The following SPECC1L variants were observed in gnomAD, a reference collection of about 807,000 sequenced individuals.
The protein encoded by SPECC1L is cytospin-A.
Under a neutral mutation model 116.8 loss-of-function variants are expected in SPECC1L, and 40 were observed. The observed-to-expected ratio is 0.34, with a 90% CI of 0.27 to 0.45. The LOEUF is 0.45. Among genes scored for constraint, SPECC1L ranks in the 20% least tolerant of loss-of-function variants. SPECC1L has a pLI of 1.00. For synonymous variants in SPECC1L, 504 were observed against 500.6 expected (o/e 1.01, Z -0.09); for missense variants, 1,110 against 1,373.6 (o/e 0.81, Z 3.03).
At position 24,370,408 on chromosome 22, in the gene SPECC1L, CTAA is replaced by C. The variant is rs751455063; in HGVS notation, c.3087+1089_3087+1091del. 7.7e-3 allele frequency among the ~76,000 whole-genome samples: 1,179 copies of C among 152,322 alleles called. 9 individuals are homozygous for C. Among genetic ancestry groups the C allele is most frequent in the South Asian group, 0.024 (117 of 4,826 alleles). ...GAATCTCCATGCCAGCTTCCACTGG[CTAA>C]CAAAGGAGATAAGTAGTGTTGGCAA... On this transcript the variant is annotated intron_variant, in intron 14 of 16. Transcript: ENST00000314328.
At chr22:24,276,487 G>C (rs8136054) in intron 1 of SPECC1L, among the ~76,000 whole-genome samples, 1 of 152,162 alleles carries the variant, frequency 6.6e-6, no homozygotes, top group Non-Finnish European at 1.5e-5. Context: ...TAGCCATTAT[G>C]CTGGACCCAG....
At chr22:24,285,980 T>C (rs1689211255) in intron 2 of SPECC1L, among the ~76,000 whole-genome samples, 1 of 152,268 alleles carries the variant, frequency 6.6e-6, no homozygotes, top group African/African-American at 2.4e-5. Context: ...TTTTGTGTTT[T>C]GAAGTCCTTA....
At chr22:24,357,808 C>T (rs2041561261) in intron 11 of SPECC1L, among the ~76,000 whole-genome samples, 1 of 152,192 alleles carries the variant, frequency 6.6e-6, no homozygotes, top group African/African-American at 2.4e-5. Context: ...GCTCCAATTT[C>T]AGTTTTAGGC....
intron 11 of SPECC1L, among the ~76,000 whole-genome samples, chr22:24,359,638 T>C (rs2041604422): frequency 1.3e-5 from 2 of 152,076 alleles, no homozygotes; most frequent in South Asian, 4.1e-4. Flanking sequence ...GACTCTCGCT[T>C]GCCTGAGCTG....
chr22:24,307,164 A>G (rs542347159), intron 3 of SPECC1L, among the ~76,000 whole-genome samples: 1 of 152,302 alleles, frequency 6.6e-6, no homozygotes, highest in South Asian at 2.1e-4. Flanking sequence ...GGGGGGGTAT[A>G]TACCCGTAGG....
chr22:24,407,505 G>T (rs1273198259), intron 14 of SPECC1L, among the ~76,000 whole-genome samples: 2 of 152,218 alleles, frequency 1.3e-5, no homozygotes, highest in African/African-American at 2.4e-5. Flanking sequence ...CCACGACCCT[G>T]CCAGAGCTGC....
chr22:24,409,810 A>G (rs1014515474), intron 14 of SPECC1L, among the ~76,000 whole-genome samples: 1 of 152,156 alleles, frequency 6.6e-6, no homozygotes, highest in Non-Finnish European at 1.5e-5. Flanking sequence ...ACATCGCTTG[A>G]GCTCAGGAGT....
chr22:24,296,444 A>G (rs1290939442), intron 2 of SPECC1L, among the ~76,000 whole-genome samples: 1 of 152,272 alleles, frequency 6.6e-6, no homozygotes, highest in Non-Finnish European at 1.5e-5. Context: ...GATTATTCTT[A>G]GAACACAGAG....
chr22:24,362,259 G>A (rs2041660845), intron 11 of SPECC1L, among the ~76,000 whole-genome samples: 1 of 152,158 alleles, frequency 6.6e-6, no homozygotes, highest in Non-Finnish European at 1.5e-5. Flanking sequence ...GGCTGGCAGG[G>A]AAGCAGGTCC....
intron 14 of SPECC1L, among the ~76,000 whole-genome samples, chr22:24,393,727 CATACAT>C (rs936626671): frequency 2.0e-5 from 3 of 152,060 alleles, no homozygotes; most frequent in Non-Finnish European, 4.4e-5. Flanking sequence ...TAACTTTTGA[CATACAT>C]ATACATATAT....
At chr22:24,378,020 C>T (rs2042001814) in intron 14 of SPECC1L, among the ~76,000 whole-genome samples, 1 of 152,214 alleles carries the variant, frequency 6.6e-6, no homozygotes, top group Admixed American at 6.5e-5. Context: ...TCCTCTGTAG[C>T]TATGAAAGTC....
chr22:24,417,268 A>G lies in SPECC1L; in HGVS notation c.*2645A>G, dbSNP rs1444548449. On this transcript the variant is annotated 3_prime_UTR_variant, in exon 17 of 17. Coordinates refer to ENST00000314328, the MANE Select transcript of SPECC1L (RefSeq NM_015330.6). ...TGAAACAACAAGCTTGGGCTTTTCT[A>G]GCTTGCCCTCCACTCCCTGCCGTCC... The G allele has an allele frequency of 1.3e-5, 2 of 152,526 alleles. No individual in the cohort carries two copies. Among genetic ancestry groups the G allele is most frequent in the African/African-American group, 4.8e-5 (2 of 41,460 alleles). 9.4% of individuals were successfully genotyped at this position (152,526 alleles called of 1,614,324 possible).
chr22:24,340,546 T>G lies in SPECC1L; in HGVS notation c.2652+2069T>G, dbSNP rs189460849. On this transcript the variant is annotated intron_variant, in intron 10 of 16. Transcript: ENST00000314328. Reference sequence around the variant, plus strand: ...AATAAAGATGCCAAATGTAATAAACTTCAAATAAGATGAACTTTAAGTGGT... The same window carrying G: ...AATAAAGATGCCAAATGTAATAAACGTCAAATAAGATGAACTTTAAGTGGT... 6.4e-4 allele frequency among the ~76,000 whole-genome samples: 98 copies of G among 152,346 alleles called. 1 individual carries two copies. Among genetic ancestry groups the G allele is most frequent in the African/African-American group, 2.1e-3 (89 of 41,586 alleles).
intron 2 of SPECC1L, among the ~76,000 whole-genome samples, chr22:24,281,864 C>T (rs2048950090): frequency 6.6e-6 from 1 of 152,192 alleles, no homozygotes; most frequent in Admixed American, 6.5e-5. Flanking sequence ...TTGCCCATTG[C>T]CTAGACAGAG....
intron 14 of SPECC1L, 46 bp from the exon 15 acceptor site, chr22:24,411,542 G>T: frequency 6.4e-7 from 1 of 1,557,610 alleles, no homozygotes; most frequent in South Asian, 1.1e-5. Flanking sequence ...TCTCCTAAGA[G>T]GGTCCCAGCA....
intron 4 of SPECC1L, among the ~76,000 whole-genome samples, chr22:24,315,560 AT>A (rs1285888741): frequency 6.6e-6 from 1 of 152,234 alleles, no homozygotes; most frequent in Non-Finnish European, 1.5e-5. Context: ...TACTCTTGCC[AT>A]TTGCATGTCT....
intron 11 of SPECC1L, among the ~76,000 whole-genome samples, chr22:24,354,792 G>T (rs2041496833): frequency 6.6e-6 from 1 of 151,540 alleles, no homozygotes; most frequent in Non-Finnish European, 1.5e-5. Context: ...CTCTTAAGTA[G>T]CTGGGATTAC....
At chr22:24,355,166 C>G (rs1466007356) in intron 11 of SPECC1L, among the ~76,000 whole-genome samples, 1 of 151,076 alleles carries the variant, frequency 6.6e-6, no homozygotes, top group Admixed American at 6.6e-5. Flanking sequence ...ACCTGTAGTC[C>G]CAGGTACTCA....
At chr22:24,355,856 T>G (rs1481877006) in intron 11 of SPECC1L, among the ~76,000 whole-genome samples, 2 of 151,720 alleles carry the variant, frequency 1.3e-5, no homozygotes, top group African/African-American at 4.8e-5. Context: ...ACAGTAAAAT[T>G]TACACTATCT....
Sources: allele counts gnomAD v4.1 joint callset (sites outside exome capture counted in the v4.1 genomes callset), GRCh38; gene constraint gnomAD v4.1.1; transcripts MANE v1.5; gene names NCBI Gene and HGNC (gene_info 2026-07-23, HGNC 2026-07-21).